TENM2: variants seen among roughly 807,000 people sequenced by gnomAD.
The protein encoded by TENM2 is teneurin-2.
TENM2 carries 52 observed loss-of-function variants against 245.2 expected under a neutral mutation model. That is an observed-to-expected ratio of 0.21 (90% CI 0.17 to 0.27). The LOEUF (loss-of-function observed/expected upper bound fraction) is 0.27. Ranked by LOEUF, TENM2 falls within the 10% of genes least tolerant of loss-of-function variation. TENM2 has a pLI of 1.00. For missense variants in TENM2, 3,046 were observed against 3,666.8 expected (o/e 0.83, Z 4.37); for synonymous variants, 1,363 against 1,438.9 (o/e 0.95, Z 1.19).
chr5:167,690,265 A>G (rs77541203), intron 2 of TENM2, among the ~76,000 whole-genome samples: 1,703 of 152,072 alleles, frequency 0.011, 29 homozygotes, highest in African/African-American at 0.037. Context: ...AAGTAAAGTT[A>G]TATTTTTATT....
At chr5:168,168,673 C>G (rs1245718166) in intron 13 of TENM2, among the ~76,000 whole-genome samples, 1 of 108,982 alleles carries the variant, frequency 9.2e-6, no homozygotes, top group African/African-American at 4.3e-5. Context: ...CAGAGTGAGA[C>G]CCTGTCTCAA....
intron 1 of TENM2, among the ~76,000 whole-genome samples, chr5:167,370,341 CAAAAAA>C (rs35067759): frequency 2.7e-5 from 2 of 73,470 alleles, no homozygotes; most frequent in African/African-American, 4.3e-5. Flanking sequence ...GACTCCGTCT[CAAAAAA>C]AAAAAAAAAA....
At chr5:167,960,616 G>T (rs1156581133) in intron 4 of TENM2, among the ~76,000 whole-genome samples, 1 of 152,152 alleles carries the variant, frequency 6.6e-6, no homozygotes, top group Non-Finnish European at 1.5e-5. Context: ...CAAGCCAGTG[G>T]ATCTTAGCTT....
chr5:166,989,943 A>G, the TENM2 span, among the ~76,000 whole-genome samples: 1 of 151,764 alleles, frequency 6.6e-6, no homozygotes, highest in African/African-American at 2.4e-5. Flanking sequence ...TCAAGAGTCT[A>G]TTAAAATGTT....
chr5:167,115,237 G>A, the TENM2 span, among the ~76,000 whole-genome samples: 5 of 152,290 alleles, frequency 3.3e-5, no homozygotes, highest in East Asian at 9.7e-4. Flanking sequence ...TAATTCAAGA[G>A]GCTGGGCTGG....
At chr5:167,178,507 CAG>C in the TENM2 span, among the ~76,000 whole-genome samples, 2 of 152,078 alleles carry the variant, frequency 1.3e-5, no homozygotes, top group African/African-American at 4.8e-5. Flanking sequence ...GCGCAGACAG[CAG>C]AGTTAAGCCG....
chr5:167,457,687 T>C (rs990814996), intron 2 of TENM2, among the ~76,000 whole-genome samples: 1 of 152,122 alleles, frequency 6.6e-6, no homozygotes, highest in Non-Finnish European at 1.5e-5. Flanking sequence ...TCCCCAAACC[T>C]ATGCAAAATG....
chr5:168,155,643 C>G (rs970816411), intron 12 of TENM2, among the ~76,000 whole-genome samples: 2 of 152,072 alleles, frequency 1.3e-5, no homozygotes, highest in African/African-American at 4.8e-5. Context: ...CTTGATGAAC[C>G]TTCATTTTTT....
At chr5:167,032,049 G>A in the TENM2 span, among the ~76,000 whole-genome samples, 3 of 151,954 alleles carry the variant, frequency 2.0e-5, no homozygotes, top group South Asian at 2.1e-4. Flanking sequence ...TGAACTTTGC[G>A]GCTAATGTTT....
chr5:168,156,070 T>C (rs1198283179), intron 12 of TENM2, among the ~76,000 whole-genome samples: 2 of 151,882 alleles, frequency 1.3e-5, no homozygotes, highest in African/African-American at 2.4e-5. Context: ...CTGGAAGCTG[T>C]ATGCTATTGG....
chr5:167,446,824 CACAG>C lies in TENM2; in HGVS notation c.502+71355_502+71358del, dbSNP rs1324344215. On this transcript the variant is annotated intron_variant, in intron 2 of 28. Transcript: ENST00000518659. ...ACACACACACACACACACACACACA[CACAG>C]ACATACATACAGATACTTTCTAGGT... is the stretch of plus-strand genomic sequence containing the variant. Among the ~76,000 whole-genome samples, 45 of 150,590 alleles carry C rather than the reference CACAG, an allele frequency of 3.0e-4. 1 individual carries two copies. The highest frequency in any genetic ancestry group is 1.1e-3 in the African/African-American group (44 of 40,408).
chr5:168,122,680 C>T (rs1459861754), intron 10 of TENM2, among the ~76,000 whole-genome samples: 1 of 152,080 alleles, frequency 6.6e-6, no homozygotes, highest in Non-Finnish European at 1.5e-5. Flanking sequence ...TAATAATAAG[C>T]AACCAAAATT....
chr5:167,782,313 C>CAAAAAA (rs767675565), intron 2 of TENM2, among the ~76,000 whole-genome samples: 4,576 of 58,624 alleles, frequency 0.078, 203 homozygotes, highest in Middle Eastern at 0.15. Context: ...AACTCTGTCT[C>CAAAAAA]AAAAAAAAAA....
chr5:167,832,184 T>TA (rs1768560561), intron 2 of TENM2, among the ~76,000 whole-genome samples: 1 of 152,210 alleles, frequency 6.6e-6, no homozygotes, highest in South Asian at 2.1e-4. Context: ...TGTGCAGTAT[T>TA]AAAAAATTAA....
intron 4 of TENM2, among the ~76,000 whole-genome samples, chr5:167,964,503 C>T (rs1038580062): frequency 6.6e-6 from 1 of 152,146 alleles, no homozygotes; most frequent in African/African-American, 2.4e-5. Flanking sequence ...CTATGAGAAC[C>T]TACCATGTGT....
chr5:168,169,551 C>G (rs952049453), intron 13 of TENM2, among the ~76,000 whole-genome samples: 6 of 152,214 alleles, frequency 3.9e-5, no homozygotes, highest in African/African-American at 1.4e-4. Flanking sequence ...CGCTCCCTCC[C>G]CATCCCGTAG....
intron 2 of TENM2, among the ~76,000 whole-genome samples, chr5:167,423,950 C>G (rs942523588): frequency 6.6e-6 from 1 of 152,128 alleles, no homozygotes; most frequent in Non-Finnish European, 1.5e-5. Context: ...GTAGCTGTCC[C>G]AAGTCCCATG....
At chr5:167,018,351 G>A in the TENM2 span, among the ~76,000 whole-genome samples, 1 of 150,874 alleles carries the variant, frequency 6.6e-6, no homozygotes, top group Admixed American at 6.6e-5. Flanking sequence ...CAAAATGCTT[G>A]ATAGCTGAAA....
intron 3 of TENM2, among the ~76,000 whole-genome samples, chr5:167,943,239 A>G (rs996478894): frequency 6.6e-6 from 1 of 152,196 alleles, no homozygotes. Context: ...TTGCCATTTA[A>G]CTGGTATGCT....
Sources: gnomAD v4.1 joint callset for allele counts (sites outside exome capture counted in the v4.1 genomes callset) on GRCh38, gnomAD v4.1.1 for gene constraint, MANE v1.5 for transcripts, NCBI Gene and HGNC (gene_info 2026-07-23, HGNC 2026-07-21) for gene names.